Variants in NEB observed in about 807,000 individuals in gnomAD.
NEB encodes nemaline myopathy type 2.
Under a neutral mutation model 952.2 loss-of-function variants are expected in NEB, and 512 were observed. That is an observed-to-expected ratio of 0.54 (90% confidence interval 0.50 to 0.58). The LOEUF is 0.58. Ranked by LOEUF, NEB falls within the 20% of genes least tolerant of loss-of-function variation. The pLI is 0.00. For missense variants in NEB, 8,428 were observed against 9,231.1 expected (o/e 0.91, Z 3.56); for synonymous variants, 2,900 against 3,149.8 (o/e 0.92, Z 2.66).
At chr2:151,723,124 A>G (rs2099779595) in intron 9 of NEB, among the ~76,000 whole-genome samples, 1 of 152,236 alleles carries the variant, frequency 6.6e-6, no homozygotes, top group African/African-American at 2.4e-5. Context: ...GGGCTCTGCC[A>G]CTAACTAATG....
At chr2:151,513,799 CA>C in intron 159 of NEB, 106 bp from the exon 160 acceptor site, 1 of 781,508 alleles carries the variant, frequency 1.3e-6, no homozygotes. Context: ...CCAGTTGTCA[CA>C]GATAGTGTCG....
At chr2:151,518,160 T>G (rs2153377730) in intron 156 of NEB, among the ~76,000 whole-genome samples, 158 bp downstream of exon 156, 1 of 152,346 alleles carries the variant, frequency 6.6e-6, no homozygotes, top group South Asian at 2.1e-4. Flanking sequence ...TTGTTGTAAT[T>G]TATAACATAA....
In NEB at chr2:151,524,876, C is replaced by G. The variant is rs2084701949; in HGVS notation, c.22273-260G>C. Reference sequence around the variant, plus strand: ...AGAGACAGGGTTTCACCATATTGGCCAGGCTGGTCTCGAACTCCTGACCTC... The same window carrying G: ...AGAGACAGGGTTTCACCATATTGGCGAGGCTGGTCTCGAACTCCTGACCTC... On this transcript the variant is annotated intron_variant, in intron 151 of 181. Transcript: ENST00000397345. Among the ~76,000 whole-genome samples the G allele has an allele frequency of 1.3e-5, 2 of 151,816 alleles. 1 individual carries two copies. Among genetic ancestry groups the G allele is most frequent in the South Asian group, 4.2e-4 (2 of 4,798 alleles).
At chr2:151,628,793 C>T (rs1197768528) in intron 68 of NEB, among the ~76,000 whole-genome samples, 2 of 151,974 alleles carry the variant, frequency 1.3e-5, no homozygotes, top group Admixed American at 1.3e-4. Flanking sequence ...ACCCGGGAGG[C>T]GGAGGTTGCA....
intron 124 of NEB, among the ~76,000 whole-genome samples, chr2:151,560,193 G>A (rs1204900892): frequency 6.6e-6 from 1 of 152,060 alleles, no homozygotes; most frequent in African/African-American, 2.4e-5. Context: ...ATATTAACTG[G>A]GGATGGTATA....
intron 77 of NEB, 126 bp downstream of exon 77, chr2:151,614,150 G>A (rs1293819464): frequency 9.3e-7 from 1 of 1,077,442 alleles, no homozygotes; most frequent in African/African-American, 1.6e-5. Flanking sequence ...ACTTTATTTT[G>A]TGCATTTCAG....
Position 151,636,346 on chromosome 2 carries a change from G to A in NEB, c.8995-12C>T. On this transcript the variant is annotated splice_polypyrimidine_tract_variant and intron_variant, in intron 63 of 181. Coordinates refer to ENST00000397345, the MANE Select transcript of NEB (RefSeq NM_001164508.2). ...AGTTTGTACAGACTCTAAATTTGGG[G>A]GAAAAAAAATCAGATGCTGACATTT... 2.5e-6 allele frequency: 4 copies of A among 1,586,750 alleles called. No individual in the cohort carries two copies. The highest frequency in any genetic ancestry group is 3.4e-6 in the Non-Finnish European group (4 of 1,170,128).
chr2:151,692,240 G>C, intron 21 of NEB, 21 bp downstream of exon 21: 1 of 1,610,734 alleles, frequency 6.2e-7, no homozygotes, highest in African/African-American at 1.3e-5. Context: ...CTACCCGAAA[G>C]GTAACCGTGG....
At position 151,692,253 on chromosome 2, in the gene NEB, T is replaced by A. The variant is rs2099557463; in HGVS notation, c.1998+8A>T. 1 of 1,613,366 alleles carries A rather than the reference T, an allele frequency of 6.2e-7. No homozygotes were observed. Among genetic ancestry groups the A allele is most frequent in the African/African-American group, 1.3e-5 (1 of 75,050 alleles). ...TCCTACCCGAAAGGTAACCGTGGCT[T>A]TTCGAACCTCACTGAAGTTCTTCAG... On this transcript the variant is annotated splice_region_variant and intron_variant, in intron 21 of 181. Transcript: ENST00000397345.
chr2:151,498,141 A>T, intron 170 of NEB, 119 bp downstream of exon 170: 1 of 1,527,432 alleles, frequency 6.5e-7, no homozygotes. Context: ...ATCCTTTTGT[A>T]ATATAAGATG....
chr2:151,643,080 TACAA>T (rs1193594630), intron 58 of NEB, 66 bp downstream of exon 58: 2 of 1,472,686 alleles, frequency 1.4e-6, no homozygotes, highest in Non-Finnish European at 1.9e-6. Context: ...TTTTCTTTTA[TACAA>T]ACAGACTTCA....
At chr2:151,692,010 C>T (rs1018468814) in intron 22 of NEB, 42 bp from the exon 23 acceptor site, 1 of 1,604,560 alleles carries the variant, frequency 6.2e-7, no homozygotes, top group Non-Finnish European at 8.5e-7. Context: ...ATTGTTATGG[C>T]TCTCAAACAA....
intron 17 of NEB, among the ~76,000 whole-genome samples, chr2:151,696,275 T>G (rs891394111): frequency 1.3e-5 from 2 of 152,178 alleles, no homozygotes; most frequent in Non-Finnish European, 2.9e-5. Flanking sequence ...CTTCCTTCAC[T>G]TACTCTTCAA....
intron 20 of NEB, among the ~76,000 whole-genome samples, chr2:151,693,458 C>T (rs560410986): frequency 1.3e-5 from 2 of 151,644 alleles, no homozygotes; most frequent in South Asian, 4.2e-4. Flanking sequence ...TGTTGCACCC[C>T]CCATGTATCC....
chr2:151,669,337 C>G (rs1475873733), intron 38 of NEB, among the ~76,000 whole-genome samples: 1 of 152,116 alleles, frequency 6.6e-6, no homozygotes, highest in Admixed American at 6.5e-5. Context: ...GTGGGCCAGG[C>G]AGGGTGGTAA....
intron 51 of NEB, among the ~76,000 whole-genome samples, chr2:151,654,691 G>C (rs928165587): frequency 6.6e-6 from 1 of 152,104 alleles, no homozygotes; most frequent in Non-Finnish European, 1.5e-5. Context: ...TTCCCATTTA[G>C]TCCTCATGGC....
intron 10 of NEB, among the ~76,000 whole-genome samples, chr2:151,712,009 A>G (rs1287730995): frequency 6.6e-6 from 1 of 152,190 alleles, no homozygotes; most frequent in Non-Finnish European, 1.5e-5. Flanking sequence ...TGCTAAGACT[A>G]CTTATAGAAA....
chr2:151,493,064 G>A (rs1338994217), intron 176 of NEB: 2 of 313,198 alleles, frequency 6.4e-6, no homozygotes, highest in Non-Finnish European at 5.9e-6. Flanking sequence ...AGTTGGTTAC[G>A]TAGAACTACC....
intron 65 of NEB, 102 bp from the exon 66 acceptor site, chr2:151,631,448 C>A: frequency 2.3e-6 from 3 of 1,277,308 alleles, no homozygotes; most frequent in East Asian, 2.5e-5. Flanking sequence ...GTTTTCTATT[C>A]GTAGAAAACA....
Sources: gnomAD v4.1 joint callset for allele counts (sites outside exome capture counted in the v4.1 genomes callset) on GRCh38, gnomAD v4.1.1 for gene constraint, MANE v1.5 for transcripts, NCBI Gene and HGNC (gene_info 2026-07-23, HGNC 2026-07-21) for gene names.